CNNM2: variants seen among roughly 807,000 people sequenced by gnomAD.
CNNM2 encodes cyclin and CBS domain divalent metal cation transport mediator 2.
A neutral mutation model predicts 66.9 loss-of-function variants in CNNM2; 12 were observed. That is an observed-to-expected ratio of 0.18 (90% CI 0.11 to 0.29). The LOEUF is 0.29. CNNM2 is among the 10% of genes least tolerant of loss of function. The pLI is 1.00. For synonymous variants in CNNM2, 557 were observed against 501.8 expected (o/e 1.11, Z -1.47); for missense variants, 705 against 1,167.7 (o/e 0.60, Z 5.77).
In CNNM2 at chr10:103,075,119, C is replaced by T. The variant is rs17115419; in HGVS notation, c.2234-967C>T. ...GGATGGGCACAATGACAAACTTTCC[C>T]GATAGCCGAAGGGCAGGTGCAGCCA... On this transcript the variant is annotated intron_variant, in intron 6 of 7. Coordinates refer to ENST00000369878, the MANE Select transcript of CNNM2 (RefSeq NM_017649.5). Among the ~76,000 whole-genome samples, 14,790 of 152,216 alleles carry T rather than the reference C, an allele frequency of 0.097. 941 individuals are homozygous for T. The highest frequency in any genetic ancestry group is 0.2 in the Middle Eastern group (59 of 294).
intron 1 of CNNM2, among the ~76,000 whole-genome samples, chr10:103,005,769 C>T (rs1427751807): frequency 1.3e-5 from 2 of 152,158 alleles, no homozygotes; most frequent in East Asian, 1.9e-4. Context: ...CATTTGTTCA[C>T]CCAGGCTGGA....
intron 1 of CNNM2, among the ~76,000 whole-genome samples, chr10:103,047,865 T>C (rs2065151995): frequency 6.6e-6 from 1 of 152,212 alleles, no homozygotes; most frequent in African/African-American, 2.4e-5. Flanking sequence ...AGTCTTTAAT[T>C]GTTGAGAAGC....
Position 103,078,516 on chromosome 10 carries a change from G to A in CNNM2, c.*1336G>A, listed in dbSNP as rs1035679028. The A allele has an allele frequency of 1.3e-5, 2 of 152,230 alleles. No homozygotes were observed. Among genetic ancestry groups the A allele is most frequent in the Non-Finnish European group, 1.5e-5 (1 of 68,048 alleles). The allele number at this position is 152,230 out of a possible 1,614,324, so 9.4% of individuals were successfully genotyped here. A position where few individuals can be genotyped will look rare whatever the true frequency, so the allele number is the denominator to read the frequency against. ...TTGTGGCCATTTTATGTGTGTCTCCGTCTTATTTTAATACCAAATTCATCA... is the reference window on the plus strand; with the variant it reads ...TTGTGGCCATTTTATGTGTGTCTCCATCTTATTTTAATACCAAATTCATCA... On this transcript the variant is annotated 3_prime_UTR_variant, in exon 8 of 8. Coordinates refer to ENST00000369878, the MANE Select transcript of CNNM2 (RefSeq NM_017649.5).
intron 1 of CNNM2, among the ~76,000 whole-genome samples, chr10:103,034,972 C>CAAAAAAAACAAAAAAA (rs2064905295): frequency 1.4e-5 from 1 of 71,138 alleles, no homozygotes; most frequent in Non-Finnish European, 2.7e-5. Context: ...GACTCCGTCT[C>CAAAAAAAACAAAAAAA]AAAAAAAAAA....
chr10:103,075,944 C>CT, intron 6 of CNNM2, 142 bp from the exon 7 acceptor site: 1 of 747,140 alleles, frequency 1.3e-6, no homozygotes. Context: ...AGGATACCCT[C>CT]TGGCATACTG....
At chr10:103,058,919 A>T (rs1457758015) in intron 4 of CNNM2, among the ~76,000 whole-genome samples, 1 of 152,212 alleles carries the variant, frequency 6.6e-6, no homozygotes, top group East Asian at 1.9e-4. Context: ...TTGGAAGTTC[A>T]TGCCACTTTA....
intron 1 of CNNM2, among the ~76,000 whole-genome samples, chr10:103,009,596 C>G (rs2064297031): frequency 7.1e-6 from 1 of 140,694 alleles, no homozygotes; most frequent in Non-Finnish European, 1.5e-5. Flanking sequence ...AAGGCTGAGG[C>G]AGGAGGATCG....
At chr10:103,066,921 G>T (rs144891470) in intron 4 of CNNM2, among the ~76,000 whole-genome samples, 1 of 152,116 alleles carries the variant, frequency 6.6e-6, no homozygotes, top group African/African-American at 2.4e-5. Context: ...TATCATGGGT[G>T]GAGTTGTAAG....
At chr10:103,022,585 C>CA (rs1291387601) in intron 1 of CNNM2, among the ~76,000 whole-genome samples, 2 of 152,194 alleles carry the variant, frequency 1.3e-5, no homozygotes, top group African/African-American at 4.8e-5. Flanking sequence ...CCAAATGCTA[C>CA]AAATCAGCTT....
At chr10:102,987,807 GT>G (rs1170155668) in intron 1 of CNNM2, among the ~76,000 whole-genome samples, 1 of 152,122 alleles carries the variant, frequency 6.6e-6, no homozygotes, top group Non-Finnish European at 1.5e-5. Flanking sequence ...ACCCCCAACA[GT>G]TGTGTGAAAT....
At chr10:102,998,539 A>C (rs1475552388) in intron 1 of CNNM2, among the ~76,000 whole-genome samples, 4 of 152,210 alleles carry the variant, frequency 2.6e-5, no homozygotes, top group Admixed American at 2.0e-4. Context: ...GGTCTTTAAA[A>C]TTATCAATGT....
intron 1 of CNNM2, among the ~76,000 whole-genome samples, chr10:102,986,803 A>T (rs1247894781): frequency 6.9e-6 from 1 of 145,142 alleles, no homozygotes; most frequent in African/African-American, 2.5e-5. Flanking sequence ...AAAAGTTTTT[A>T]TCCTCCAGAT....
At position 102,971,262 on chromosome 10, in the gene CNNM2, GA is replaced by G. The variant is rs202223790; in HGVS notation, c.1621+51173del. Among the ~76,000 whole-genome samples, 17,840 of 117,224 alleles carry G rather than the reference GA, an allele frequency of 0.15. 1,006 individuals carry two copies. The highest frequency in any genetic ancestry group is 0.23 in the Middle Eastern group (52 of 230). 76.9% of individuals were successfully genotyped at this position (117,224 alleles called of 152,430 possible). A position where few individuals can be genotyped will look rare whatever the true frequency, so the allele number is the denominator to read the frequency against. On this transcript the variant is annotated intron_variant, in intron 1 of 7. Coordinates refer to ENST00000369878, the MANE Select transcript of CNNM2 (RefSeq NM_017649.5). Reference sequence around the variant, plus strand: ...ACCTCGTCCCTAAAAAAAAAAAAAAGAAAAAAAAAAAAGTCTCTGGGACCTT... The same window carrying G: ...ACCTCGTCCCTAAAAAAAAAAAAAAGAAAAAAAAAAAGTCTCTGGGACCTT...
chr10:103,003,373 C>T (rs1237801929), intron 1 of CNNM2, among the ~76,000 whole-genome samples: 2 of 152,258 alleles, frequency 1.3e-5, no homozygotes, highest in African/African-American at 4.8e-5. Flanking sequence ...CTCAGCTTCC[C>T]AAAGTACTGG....
intron 6 of CNNM2, among the ~76,000 whole-genome samples, chr10:103,073,591 G>C (rs555909918): frequency 3.3e-5 from 5 of 152,212 alleles, no homozygotes; most frequent in Admixed American, 6.5e-5. Flanking sequence ...GCCGGGCGCG[G>C]TGGCTCACGC....
chr10:103,049,136 G>A (rs1442811371), intron 1 of CNNM2, among the ~76,000 whole-genome samples: 6 of 152,154 alleles, frequency 3.9e-5, no homozygotes, highest in East Asian at 3.8e-4. Flanking sequence ...GTGAGCCATC[G>A]CTCCCAGCCA....
At chr10:102,929,984 C>T (rs950981049) in intron 1 of CNNM2, among the ~76,000 whole-genome samples, 3 of 152,094 alleles carry the variant, frequency 2.0e-5, no homozygotes, top group African/African-American at 7.2e-5. Context: ...TGGAAGGCAA[C>T]TGGGTGTCAT....
chr10:102,944,163 C>T (rs1304681401), intron 1 of CNNM2, among the ~76,000 whole-genome samples: 1 of 149,910 alleles, frequency 6.7e-6, no homozygotes. Flanking sequence ...ACTGCAGTCT[C>T]CGCCTCCTGG....
At chr10:103,028,895 T>C (rs2064766521) in intron 1 of CNNM2, among the ~76,000 whole-genome samples, 1 of 145,064 alleles carries the variant, frequency 6.9e-6, no homozygotes, top group Non-Finnish European at 1.5e-5. Flanking sequence ...TGATATCGGC[T>C]CACTGCAACC....
Sources: allele counts gnomAD v4.1 joint callset (sites outside exome capture counted in the v4.1 genomes callset), GRCh38; gene constraint gnomAD v4.1.1; transcripts MANE v1.5; gene names NCBI Gene and HGNC (gene_info 2026-07-23, HGNC 2026-07-21).